Variants in AGAP1 observed in about 807,000 individuals in gnomAD.
AGAP1 encodes the protein arf-GAP with GTPase, ANK repeat and PH domain-containing protein 1.
AGAP1 carries 29 observed loss-of-function variants against 105.3 expected under a neutral mutation model. The ratio of observed to expected loss-of-function variants is 0.28; its 90% CI spans 0.21 to 0.38. AGAP1 has a LOEUF of 0.38. AGAP1 is among the 10% of genes least tolerant of loss of function. The pLI is 1.00. For missense variants in AGAP1, 998 were observed against 1,165.1 expected (o/e 0.86, Z 2.09); for synonymous variants, 509 against 485.9 (o/e 1.05, Z -0.63).
chr2:235,631,089 T>G lies in AGAP1; in HGVS notation c.164-78090T>G, dbSNP rs928222249. ...ACAGTCTAGCTCCTTCATATGCAAATGCACTGGTAATGCCTGGATACCAGG... is the reference window on the plus strand; with the variant it reads ...ACAGTCTAGCTCCTTCATATGCAAAGGCACTGGTAATGCCTGGATACCAGG... On this transcript the variant is annotated intron_variant, in intron 1 of 17. Coordinates refer to ENST00000304032, the MANE Select transcript of AGAP1 (RefSeq NM_001037131.3). The surrounding 1 kb of genome is among the most constrained non-coding windows in gnomAD (Gnocchi z 5.4). Among the ~76,000 whole-genome samples the G allele has an allele frequency of 1.3e-5, 2 of 152,150 alleles. No homozygotes were observed. The highest frequency in any genetic ancestry group is 1.9e-4 in the East Asian group (1 of 5,178).
At chr2:235,758,791 C>T (rs952205234) in intron 6 of AGAP1, among the ~76,000 whole-genome samples, 13 of 148,758 alleles carry the variant, frequency 8.7e-5, no homozygotes, top group East Asian at 3.9e-4. Flanking sequence ...TCACGTAAGG[C>T]GTGTTGTTTT....
rs1576188850 is a variant in AGAP1, at chr2:236,056,341, G to A, written c.2114+7060G>A. Among the ~76,000 whole-genome samples the A allele has an allele frequency of 6.6e-6, 1 of 152,292 alleles. No individual in the cohort carries two copies. Among genetic ancestry groups the A allele is most frequent in the South Asian group, 2.1e-4 (1 of 4,822 alleles). Reference sequence around the variant, plus strand: ...CTTTGCTACCGCAGAGCTGTCTAGGGTTGAAAATCCTTATCATTTACGTTC... The same window carrying A: ...CTTTGCTACCGCAGAGCTGTCTAGGATTGAAAATCCTTATCATTTACGTTC... On this transcript the variant is annotated intron_variant, in intron 16 of 17. Coordinates refer to ENST00000304032, the MANE Select transcript of AGAP1 (RefSeq NM_001037131.3). The surrounding 1 kb of genome is among the most constrained non-coding windows in gnomAD (Gnocchi z 4.6).
intron 16 of AGAP1, among the ~76,000 whole-genome samples, chr2:236,103,876 C>G (rs1292421518): frequency 6.6e-6 from 1 of 152,164 alleles, no homozygotes; most frequent in Non-Finnish European, 1.5e-5. Context: ...TCTCCTGGGC[C>G]CCTTCTAGGC....
intron 13 of AGAP1, among the ~76,000 whole-genome samples, chr2:235,986,102 G>A (rs918369673): frequency 6.6e-6 from 1 of 152,072 alleles, no homozygotes; most frequent in Non-Finnish European, 1.5e-5. Flanking sequence ...TATCCATGAG[G>A]ATGGAGTTTT....
intron 12 of AGAP1, 74 bp from the exon 13 acceptor site, chr2:235,968,388 T>C (rs2054492245): frequency 1.3e-6 from 2 of 1,521,024 alleles, no homozygotes; most frequent in South Asian, 1.3e-5. Context: ...CTGTGCTGTT[T>C]CTGCGCATTC....
intron 5 of AGAP1, among the ~76,000 whole-genome samples, chr2:235,749,220 GA>G (rs71036291): frequency 2.2e-5 from 2 of 89,848 alleles, no homozygotes; most frequent in Admixed American, 2.2e-4. Context: ...TAAAAAAAAA[GA>G]AAAAAAAAGC....
At chr2:235,813,807 C>T (rs1447290018) in intron 9 of AGAP1, among the ~76,000 whole-genome samples, 1 of 152,102 alleles carries the variant, frequency 6.6e-6, no homozygotes, top group East Asian at 1.9e-4. Flanking sequence ...AGAATTGGAT[C>T]ACACGTCAGC....
chr2:235,705,451 AGGACAGCTGGCCT>A lies in AGAP1; in HGVS notation c.164-3723_164-3711del, dbSNP rs1350385526. Among the ~76,000 whole-genome samples, 3 of 152,218 alleles carry A rather than the reference AGGACAGCTGGCCT, an allele frequency of 2.0e-5. No individual in the cohort carries two copies. The highest frequency in any genetic ancestry group is 2.9e-5 in the Non-Finnish European group (2 of 68,044). ...GTGTTCCTGCACCTTGGAAGGAAGCAGGACAGCTGGCCTGGACCCTGCCCCACCCTTCCTCGAC... is the reference window on the plus strand; with the variant it reads ...GTGTTCCTGCACCTTGGAAGGAAGCAGGACCCTGCCCCACCCTTCCTCGAC... On this transcript the variant is annotated intron_variant, in intron 1 of 17. Transcript: ENST00000304032. This position sits in a 1 kb window ranked among gnomAD's most constrained non-coding sequence, Gnocchi z 4.9.
At chr2:236,049,417 T>G in intron 16 of AGAP1, 136 bp downstream of exon 16, 1 of 748,176 alleles carries the variant, frequency 1.3e-6, no homozygotes, top group Non-Finnish European at 2.1e-6. Flanking sequence ...TCATCCGGCA[T>G]AGGAATGTCT....
At chr2:236,011,666 A>G (rs1576052908) in intron 13 of AGAP1, among the ~76,000 whole-genome samples, 1 of 152,276 alleles carries the variant, frequency 6.6e-6, no homozygotes, top group Non-Finnish European at 1.5e-5. Context: ...CAAAATCAAA[A>G]TAAGTTAGCC....
intron 1 of AGAP1, among the ~76,000 whole-genome samples, chr2:235,499,995 A>G (rs570288173): frequency 6.6e-6 from 1 of 152,306 alleles, no homozygotes; most frequent in East Asian, 1.9e-4. Context: ...AAACGTCCCC[A>G]GAGCACAGAA....
chr2:235,947,480 T>G (rs1336161844), intron 12 of AGAP1, among the ~76,000 whole-genome samples: 1 of 152,244 alleles, frequency 6.6e-6, no homozygotes, highest in South Asian at 2.1e-4. Context: ...ACTCGTTGAT[T>G]GATGGGCATT....
At chr2:235,869,423 A>C in intron 9 of AGAP1, among the ~76,000 whole-genome samples, 1 of 121,926 alleles carries the variant, frequency 8.2e-6, no homozygotes, top group Non-Finnish European at 1.6e-5. Flanking sequence ...TCTCTACTAA[A>C]AAAAAAAAAA....
chr2:235,700,207 A>T lies in AGAP1; in HGVS notation c.164-8972A>T, dbSNP rs572944651. On this transcript the variant is annotated intron_variant, in intron 1 of 17. Coordinates refer to ENST00000304032, the MANE Select transcript of AGAP1 (RefSeq NM_001037131.3). This position sits in a 1 kb window ranked among gnomAD's most constrained non-coding sequence, Gnocchi z 6.1. ...GCATTAAATATTCCGAAGCAGCCTC[A>T]GCTAATGGAACACAGTTCTTCTGAA... 6.6e-6 allele frequency among the ~76,000 whole-genome samples: 1 copy of T among 152,342 alleles called. No individual in the cohort carries two copies. Among genetic ancestry groups the T allele is most frequent in the East Asian group, 1.9e-4 (1 of 5,190 alleles).
intron 9 of AGAP1, among the ~76,000 whole-genome samples, chr2:235,834,753 T>G (rs1553644784): frequency 6.6e-6 from 1 of 152,150 alleles, no homozygotes; most frequent in Non-Finnish European, 1.5e-5. Flanking sequence ...TCTCCGAAGT[T>G]AGACAGGCAT....
At chr2:235,898,003 G>A (rs2050886873) in intron 10 of AGAP1, among the ~76,000 whole-genome samples, 1 of 152,126 alleles carries the variant, frequency 6.6e-6, no homozygotes, top group South Asian at 2.1e-4. Flanking sequence ...CTAATCAACA[G>A]CAATCTAGCT....
At chr2:235,859,334 G>A (rs1398775749) in intron 9 of AGAP1, among the ~76,000 whole-genome samples, 3 of 149,006 alleles carry the variant, frequency 2.0e-5, no homozygotes, top group African/African-American at 4.9e-5. Context: ...TGGGGAAATG[G>A]CCATTACTGG....
At chr2:235,857,871 G>C (rs191574100) in intron 9 of AGAP1, among the ~76,000 whole-genome samples, 1 of 152,186 alleles carries the variant, frequency 6.6e-6, no homozygotes, top group African/African-American at 2.4e-5. Context: ...GCAGAAGCAG[G>C]CCTATCGCCC....
At position 235,888,554 on chromosome 2, in the gene AGAP1, G is replaced by A. The variant is rs539968983; in HGVS notation, c.1155+5105G>A. 6.6e-6 allele frequency among the ~76,000 whole-genome samples: 1 copy of A among 152,188 alleles called. No homozygotes were observed. The highest frequency in any genetic ancestry group is 1.5e-5 in the Non-Finnish European group (1 of 67,998). On this transcript the variant is annotated intron_variant, in intron 10 of 17. Coordinates refer to ENST00000304032, the MANE Select transcript of AGAP1 (RefSeq NM_001037131.3). This position sits in a 1 kb window ranked among gnomAD's most constrained non-coding sequence, Gnocchi z 4.8. Reference sequence around the variant, plus strand: ...CCCCATCTCTACAACAAATAAAAAAGTGAGCCAGGTGTGGTGGAGCACACC... The same window carrying A: ...CCCCATCTCTACAACAAATAAAAAAATGAGCCAGGTGTGGTGGAGCACACC...
Sources: allele counts gnomAD v4.1 joint callset (sites outside exome capture counted in the v4.1 genomes callset), GRCh38; gene constraint gnomAD v4.1.1; non-coding constraint Gnocchi (gnomAD v3.1); transcripts MANE v1.5; gene names NCBI Gene and HGNC (gene_info 2026-07-23, HGNC 2026-07-21).